The following OR6N1 variants were observed in gnomAD, a reference collection of about 807,000 sequenced individuals.
OR6N1 encodes olfactory receptor 6N1.
For synonymous variants in OR6N1, 170 were observed against 150.7 expected, an observed-to-expected ratio of 1.13 and a Z score of -0.94; for missense variants, 394 against 371.7, an observed-to-expected ratio of 1.06 and a Z score of -0.49.
At chr1:158,827,286 G>T in the OR6N1 span, among the ~76,000 whole-genome samples, 2 of 152,110 alleles carry the variant, frequency 1.3e-5, no homozygotes, top group African/African-American at 4.8e-5. Flanking sequence ...CATGTCCTTT[G>T]CCTAGCAAAG....
the OR6N1 span, among the ~76,000 whole-genome samples, chr1:158,825,642 T>C: frequency 1.3e-5 from 2 of 152,138 alleles, no homozygotes; most frequent in Non-Finnish European, 2.9e-5. Context: ...CTGGCAAGGT[T>C]ACAGAGAAAA....
chr1:158,775,368 T>G (rs1423750541), upstream of OR6N1: 2 of 152,100 alleles, frequency 1.3e-5, no homozygotes, highest in Non-Finnish European at 2.9e-5. Flanking sequence ...CCATAATGTA[T>G]TTGAAGACCT....
the OR6N1 span, among the ~76,000 whole-genome samples, chr1:158,822,526 T>C: frequency 1.1e-4 from 17 of 152,322 alleles, no homozygotes; most frequent in East Asian, 1.7e-3. Context: ...TATACAGGTA[T>C]GCTACTGATT....
the OR6N1 span, among the ~76,000 whole-genome samples, chr1:158,827,939 G>A: frequency 7.9e-5 from 12 of 152,280 alleles, no homozygotes; most frequent in South Asian, 6.2e-4. Flanking sequence ...GTAAGGAAGC[G>A]CAAGTCACAT....
At chr1:158,789,017 C>A in the OR6N1 span, among the ~76,000 whole-genome samples, 2 of 152,100 alleles carry the variant, frequency 1.3e-5, no homozygotes, top group African/African-American at 4.8e-5. Flanking sequence ...CACCCTCTAC[C>A]TTTCCTGGTA....
chr1:158,770,575 G>GC (rs1657399291), intron 1 of OR6N1, among the ~76,000 whole-genome samples: 2 of 152,106 alleles, frequency 1.3e-5, no homozygotes, highest in East Asian at 3.9e-4. Flanking sequence ...CTTTCCAGTG[G>GC]CCCCCATAAT....
the OR6N1 span, among the ~76,000 whole-genome samples, chr1:158,814,995 G>A: frequency 6.6e-6 from 1 of 152,078 alleles, no homozygotes; most frequent in South Asian, 2.1e-4. Context: ...CAGGTGTTTA[G>A]CACACCTGAT....
At chr1:158,776,693 C>G (rs765658238), upstream of OR6N1, 17 of 1,592,930 alleles carry the variant, frequency 1.1e-5, no homozygotes, top group Non-Finnish European at 1.5e-5. Flanking sequence ...CAAAGATGAG[C>G]AAGACTAGCT....
chr1:158,778,842 G>A, the OR6N1 span, among the ~76,000 whole-genome samples: 21,720 of 151,222 alleles, frequency 0.14, 2,060 homozygotes, highest in Non-Finnish European at 0.22. Flanking sequence ...GTGAAACCCC[G>A]TCTCTACTAA....
chr1:158,806,714 T>G, the OR6N1 span, among the ~76,000 whole-genome samples: 40,734 of 151,832 alleles, frequency 0.27, 6,167 homozygotes, highest in South Asian at 0.56. Flanking sequence ...GGAAAACAAA[T>G]CTGGCATTAG....
chr1:158,806,659 G>T, the OR6N1 span, among the ~76,000 whole-genome samples: 3 of 152,172 alleles, frequency 2.0e-5, no homozygotes, highest in East Asian at 5.8e-4. Flanking sequence ...TACTTAGTAT[G>T]TGTTATTTAA....
At chr1:158,798,607 A>T in the OR6N1 span, among the ~76,000 whole-genome samples, 10 of 152,128 alleles carry the variant, frequency 6.6e-5, no homozygotes, top group Admixed American at 6.5e-4. Context: ...TATTAATTCT[A>T]TTAACTGTAT....
chr1:158,799,578 T>A, the OR6N1 span, among the ~76,000 whole-genome samples: 3 of 152,332 alleles, frequency 2.0e-5, no homozygotes, highest in African/African-American at 7.2e-5. Context: ...AGAATCTACC[T>A]ACTAACTAAT....
At chr1:158,779,284 T>C in the OR6N1 span, among the ~76,000 whole-genome samples, 2 of 152,132 alleles carry the variant, frequency 1.3e-5, no homozygotes, top group Non-Finnish European at 2.9e-5. Flanking sequence ...CACCATACCC[T>C]GTGTAGATCA....
the OR6N1 span, among the ~76,000 whole-genome samples, chr1:158,824,803 T>C: frequency 6.6e-6 from 1 of 152,206 alleles, no homozygotes; most frequent in Non-Finnish European, 1.5e-5. Flanking sequence ...TTACCCCATA[T>C]ACAAAAATCA....
chr1:158,799,459 G>C, the OR6N1 span, among the ~76,000 whole-genome samples: 1 of 152,240 alleles, frequency 6.6e-6, no homozygotes, highest in African/African-American at 2.4e-5. Context: ...GATCATATAT[G>C]TTCTAAAAAC....
chr1:158,819,249 A>G, the OR6N1 span, among the ~76,000 whole-genome samples: 1 of 152,192 alleles, frequency 6.6e-6, no homozygotes, highest in African/African-American at 2.4e-5. Flanking sequence ...TGTCAAAGAA[A>G]TAGCTCTAAA....
chr1:158,782,564 G>A, the OR6N1 span, among the ~76,000 whole-genome samples: 1 of 152,206 alleles, frequency 6.6e-6, no homozygotes, highest in Admixed American at 6.5e-5. Context: ...AATTATTATA[G>A]GATGTGGGCT....
At chr1:158,830,630 A>G in the OR6N1 span, among the ~76,000 whole-genome samples, 1 of 152,210 alleles carries the variant, frequency 6.6e-6, no homozygotes, top group African/African-American at 2.4e-5. Context: ...AGGGTTTATC[A>G]GGCCCCCTAT....
Sources: gnomAD v4.1 joint callset for allele counts (sites outside exome capture counted in the v4.1 genomes callset) on GRCh38, gnomAD v4.1.1 for gene constraint, MANE v1.5 for transcripts, NCBI Gene and HGNC (gene_info 2026-07-23, HGNC 2026-07-21) for gene names.